Variants in SLC20A2 observed in about 807,000 individuals in gnomAD.
The protein encoded by SLC20A2 is sodium-dependent phosphate transporter 2.
In SLC20A2, 30 loss-of-function variants were observed where a neutral mutation model predicts 61.0. That is an observed-to-expected ratio of 0.49 (90% CI 0.37 to 0.67). SLC20A2 has a LOEUF of 0.67. SLC20A2 is among the 30% of genes least tolerant of loss of function. The pLI is 0.00. For synonymous variants in SLC20A2, 351 were observed against 353.3 expected, an observed-to-expected ratio of 0.99 and a Z score of 0.07; for missense variants, 626 against 866.4, an observed-to-expected ratio of 0.72 and a Z score of 3.48.
At position 42,417,571 on chromosome 8, in the gene SLC20A2, G is replaced by T; in HGVS notation, c.*232C>A. 2.7e-6 allele frequency: 1 copy of T among 364,752 alleles called. No individual in the cohort carries two copies. Among genetic ancestry groups the T allele is most frequent in the Admixed American group, 3.8e-5 (1 of 26,578 alleles). The allele number at this position is 364,752 out of a possible 1,614,324, so 22.6% of individuals were successfully genotyped here. ...TAACTGCACCACATTATATCACCAC[G>T]ATACCAGTTTAATACATATTATTAT... On this transcript the variant is annotated 3_prime_UTR_variant, in exon 11 of 11. Coordinates refer to ENST00000520262, the MANE Select transcript of SLC20A2 (RefSeq NM_001257180.2).
At chr8:42,441,983 G>C (rs1010527761) in intron 6 of SLC20A2, among the ~76,000 whole-genome samples, 5 of 149,580 alleles carry the variant, frequency 3.3e-5, no homozygotes, top group Non-Finnish European at 7.4e-5. Context: ...TGCCCAAGGG[G>C]AGTGCAATGG....
chr8:42,537,072 T>G (rs6474402), intron 1 of SLC20A2, among the ~76,000 whole-genome samples: 1 of 148,494 alleles, frequency 6.7e-6, no homozygotes, highest in Non-Finnish European at 1.5e-5. Flanking sequence ...CGGAGTCTGT[T>G]TAAAAAAAAA....
intron 1 of SLC20A2, among the ~76,000 whole-genome samples, chr8:42,529,449 A>C (rs1812193012): frequency 6.6e-6 from 1 of 152,208 alleles, no homozygotes; most frequent in Non-Finnish European, 1.5e-5. Context: ...TTTTATTAGA[A>C]AATTACATAA....
intron 1 of SLC20A2, chr8:42,535,370 A>T (rs1000847278): frequency 3.4e-5 from 5 of 147,770 alleles, no homozygotes; most frequent in East Asian, 2.0e-4. Flanking sequence ...CAACTAGATT[A>T]AAAAAAAAAA....
At chr8:42,526,143 CAG>C (rs1267487468) in intron 1 of SLC20A2, among the ~76,000 whole-genome samples, 2 of 152,158 alleles carry the variant, frequency 1.3e-5, no homozygotes, top group African/African-American at 4.8e-5. Flanking sequence ...ACGACCCCAG[CAG>C]AGTGACTAAG....
chr8:42,419,261 C>T (rs1456997967), intron 10 of SLC20A2, among the ~76,000 whole-genome samples: 4 of 151,988 alleles, frequency 2.6e-5, no homozygotes, highest in Admixed American at 1.3e-4. Context: ...ATGTTTATGA[C>T]GATGGCTATA....
At chr8:42,442,091 A>G (rs1804835195) in intron 6 of SLC20A2, among the ~76,000 whole-genome samples, 1 of 151,924 alleles carries the variant, frequency 6.6e-6, no homozygotes, top group South Asian at 2.1e-4. Flanking sequence ...GAGCCACCAC[A>G]CTTGGCTAAT....
rs1804597884 is a variant in SLC20A2, at chr8:42,439,497, C to G, written c.887G>C (p.Gly296Ala). Residue 296 changes from glycine to alanine, a missense_variant, in exon 7 of 11, where the codon GGG becomes GCG. This residue lies in a region of SLC20A2 where 361 missense variants were observed against 422.3 expected (regional missense o/e 0.85). Transcript: ENST00000520262. ...GCCCGCAGAAGTGCCTTCCGAGGTC[C>G]CCAGTGTCTCCCCTGCTGCTCCCGT... is the stretch of plus-strand genomic sequence containing the variant. ...PLTGAAGETLGTSEGTSAGSH... is the reference protein window; with the variant it reads ...PLTGAAGETLATSEGTSAGSH... 2 of 1,613,990 alleles carry G rather than the reference C, an allele frequency of 1.2e-6. No homozygotes were observed. Among genetic ancestry groups the G allele is most frequent in the African/African-American group, 1.3e-5 (1 of 74,926 alleles).
chr8:42,418,048 A>G (rs1373643195), intron 10 of SLC20A2, 81 bp from the exon 11 acceptor site: 5 of 1,190,902 alleles, frequency 4.2e-6, no homozygotes, highest in Non-Finnish European at 6.0e-6. Flanking sequence ...CTAATCTCAG[A>G]AACAAGCTCT....
chr8:42,430,268 G>T lies in SLC20A2; in HGVS notation c.1524-19C>A, dbSNP rs1308288082. The T allele has an allele frequency of 6.3e-7, 1 of 1,598,948 alleles. No homozygotes were observed. The highest frequency in any genetic ancestry group is 8.5e-7 in the Non-Finnish European group (1 of 1,173,218). On this transcript the variant is annotated intron_variant, in intron 8 of 10. Coordinates refer to ENST00000520262, the MANE Select transcript of SLC20A2 (RefSeq NM_001257180.2). ...GGCATTACTGGGAAAAATAAAAAGA[G>T]AAAAGATTAACTATATATGCAAGCG...
upstream of SLC20A2, chr8:42,502,369 C>T (rs1239222827): frequency 6.6e-6 from 1 of 152,240 alleles, no homozygotes; most frequent in Admixed American, 6.5e-5. Context: ...GAGATTCACT[C>T]TACTTAACAC....
chr8:42,520,080 C>A (rs910926874), intron 1 of SLC20A2, among the ~76,000 whole-genome samples: 4 of 135,608 alleles, frequency 2.9e-5, no homozygotes, highest in Non-Finnish European at 4.6e-5. Context: ...GTGACATGAT[C>A]TCGGCTCACT....
chr8:42,518,528 A>G (rs759019402), intron 1 of SLC20A2, among the ~76,000 whole-genome samples: 2 of 152,220 alleles, frequency 1.3e-5, no homozygotes, highest in Non-Finnish European at 2.9e-5. Flanking sequence ...GTCATTATAC[A>G]TGCTTTGGAG....
rs1158010522 is a variant in SLC20A2 at position 42,509,771 on chromosome 8, C to T, written c.-265+32050G>A. Among the ~76,000 whole-genome samples, 14 of 151,632 alleles carry T rather than the reference C, an allele frequency of 9.2e-5. No individual in the cohort carries two copies. The East Asian group carries it at 2.7e-3, about 29-fold the overall frequency. ...CTTGTCTCAACAAAACAAAACAAAA[C>T]AAAACAAAAAGATGCTAGGCTTGAA... On this transcript the variant is annotated intron_variant, in intron 1 of 10. Coordinates refer to the SLC20A2 transcript ENST00000342228.
intron 1 of SLC20A2, chr8:42,535,230 G>C (rs544962969): frequency 4.6e-5 from 7 of 152,258 alleles, no homozygotes; most frequent in African/African-American, 1.7e-4. Context: ...CAGGCTTTAG[G>C]AGGCTTCCTG....
intron 1 of SLC20A2, among the ~76,000 whole-genome samples, chr8:42,523,961 A>T (rs1002287860): frequency 2.0e-5 from 3 of 152,210 alleles, no homozygotes; most frequent in Non-Finnish European, 4.4e-5. Context: ...GCAACAATAT[A>T]TAGTTAGAGA....
chr8:42,468,093 G>A (rs144585275), intron 2 of SLC20A2, among the ~76,000 whole-genome samples: 2,133 of 151,904 alleles, frequency 0.014, 58 homozygotes, highest in South Asian at 0.097. Context: ...TAGTAGAGAC[G>A]GGGTTTCACC....
At chr8:42,532,952 G>A (rs1172875239) in intron 1 of SLC20A2, among the ~76,000 whole-genome samples, 1 of 151,930 alleles carries the variant, frequency 6.6e-6, no homozygotes. Flanking sequence ...GAGAAGGGAG[G>A]GAGTAGGCAA....
chr8:42,494,908 G>A (rs373352666), intron 1 of SLC20A2, among the ~76,000 whole-genome samples: 4 of 151,964 alleles, frequency 2.6e-5, no homozygotes, highest in African/African-American at 9.7e-5. Flanking sequence ...GTGCAACGGT[G>A]CGATCTCGGC....
Sources: gnomAD v4.1 joint callset for allele counts (sites outside exome capture counted in the v4.1 genomes callset) on GRCh38, gnomAD v4.1.1 for gene constraint, gnomAD v4.1.1 regional missense constraint, MANE v1.5 for transcripts, NCBI Gene and HGNC (gene_info 2026-07-23, HGNC 2026-07-21) for gene names.